Variants in CDK6 observed in about 807,000 individuals in gnomAD.
CDK6 encodes cyclin-dependent kinase 6.
Under a neutral mutation model 37.1 loss-of-function variants are expected in CDK6, and 6 were observed. The ratio of observed to expected loss-of-function variants is 0.16; its 90% CI spans 0.09 to 0.32. The LOEUF is 0.32. Among genes scored for constraint, CDK6 ranks in the 10% least tolerant of loss-of-function variants. The probability of loss-of-function intolerance (pLI) is 1.00; values close to 1 mark genes in which losing one functional copy is unlikely to be tolerated. For synonymous variants in CDK6, 160 were observed against 161.3 expected, an observed-to-expected ratio of 0.99 and a Z score of 0.06; for missense variants, 224 against 418.9, an observed-to-expected ratio of 0.53 and a Z score of 4.06.
In CDK6 at chr7:92,750,168, T is replaced by C. The variant is rs573530675; in HGVS notation, c.370-24375A>G. Among the ~76,000 whole-genome samples, 13 of 152,292 alleles carry C rather than the reference T, an allele frequency of 8.5e-5. No homozygotes were observed. The East Asian group carries it at 1.7e-3, about 20-fold the overall frequency. On this transcript the variant is annotated intron_variant, in intron 3 of 7. Coordinates refer to ENST00000424848, the MANE Select transcript of CDK6 (RefSeq NM_001145306.2). Reference sequence around the variant, plus strand: ...ATTCTACATGAGTGAGAAAAACACATTTATATGGCTTTTGGAAAGTCCACC... The same window carrying C: ...ATTCTACATGAGTGAGAAAAACACACTTATATGGCTTTTGGAAAGTCCACC...
chr7:92,621,523 G>A (rs1795805094), intron 6 of CDK6, among the ~76,000 whole-genome samples: 1 of 152,174 alleles, frequency 6.6e-6, no homozygotes, highest in South Asian at 2.1e-4. Flanking sequence ...GGGAAAGAAG[G>A]TGATGGCTTT....
chr7:92,799,250 C>T (rs893281964), intron 2 of CDK6, among the ~76,000 whole-genome samples: 2 of 152,160 alleles, frequency 1.3e-5, no homozygotes, highest in Non-Finnish European at 2.9e-5. Context: ...TCTCTTCCAG[C>T]GAGATCTGTC....
Position 92,609,594 on chromosome 7 carries a change from C to T in CDK6, c.*5546G>A, listed in dbSNP as rs1020584335. The T allele has an allele frequency of 8.7e-6, 2 of 230,304 alleles. No individual in the cohort carries two copies. Among genetic ancestry groups the T allele is most frequent in the African/African-American group, 4.4e-5 (2 of 45,144 alleles). The allele number at this position is 230,304 out of a possible 1,614,324, so 14.3% of individuals were successfully genotyped here. On this transcript the variant is annotated 3_prime_UTR_variant, in exon 8 of 8. Coordinates refer to ENST00000424848, the MANE Select transcript of CDK6 (RefSeq NM_001145306.2). ...CTGATGTGCTACTCATTTTGCTCAC[C>T]TGATCTTTAAATTAGGATTTTAAAA...
At chr7:92,713,868 G>A (rs926081785) in intron 4 of CDK6, among the ~76,000 whole-genome samples, 5 of 152,252 alleles carry the variant, frequency 3.3e-5, no homozygotes, top group Middle Eastern at 3.4e-3. Flanking sequence ...TAAATTTCAA[G>A]ATGGATGCAG....
chr7:92,829,234 C>G lies in CDK6; in HGVS notation c.233+3857G>C, dbSNP rs560581043. 7.2e-5 allele frequency among the ~76,000 whole-genome samples: 11 copies of G among 152,252 alleles called. No homozygotes were observed. The East Asian group carries it at 2.1e-3, about 29-fold the overall frequency. On this transcript the variant is annotated intron_variant, in intron 2 of 7. Coordinates refer to ENST00000424848, the MANE Select transcript of CDK6 (RefSeq NM_001145306.2). The stretch of plus-strand genomic sequence containing the variant: ...AAACTCTCCTTGAATAATCATTAAG[C>G]TTTACAGCCTTTTCTTTGGGTTTTT...
intron 5 of CDK6, among the ~76,000 whole-genome samples, chr7:92,662,265 A>C (rs1796856088): frequency 6.6e-6 from 1 of 152,268 alleles, no homozygotes; most frequent in Admixed American, 6.5e-5. Context: ...ACTCACTTCG[A>C]GGGCTTCACT....
intron 4 of CDK6, among the ~76,000 whole-genome samples, chr7:92,697,765 C>T (rs1439671251): frequency 6.6e-6 from 1 of 152,128 alleles, no homozygotes; most frequent in Non-Finnish European, 1.5e-5. Flanking sequence ...GATTTTTCAT[C>T]GTATTACTGA....
intron 3 of CDK6, among the ~76,000 whole-genome samples, chr7:92,750,380 A>T: frequency 6.6e-6 from 1 of 152,196 alleles, no homozygotes; most frequent in South Asian, 2.1e-4. Flanking sequence ...TGTATAAGTG[A>T]TACCTTCAGG....
intron 6 of CDK6, among the ~76,000 whole-genome samples, chr7:92,622,022 T>C (rs1277979912): frequency 1.3e-5 from 2 of 148,772 alleles, no homozygotes; most frequent in South Asian, 2.1e-4. Context: ...TTTTTTTTTT[T>C]CAGTCTTACA....
In CDK6 at chr7:92,608,622, C is replaced by T. The variant is rs1795486969; in HGVS notation, c.*6518G>A. On this transcript the variant is annotated 3_prime_UTR_variant, in exon 8 of 8. Transcript: ENST00000424848. ...GGGTAGACAGCTTCACACAGGGCAGCTGCTACCGCATCTCTTTTTACCCGA... is the reference window on the plus strand; with the variant it reads ...GGGTAGACAGCTTCACACAGGGCAGTTGCTACCGCATCTCTTTTTACCCGA... 1 of 232,120 alleles carries T rather than the reference C, an allele frequency of 4.3e-6. No homozygotes were observed. The highest frequency in any genetic ancestry group is 1.8e-4 in the South Asian group (1 of 5,522). 14.4% of individuals were successfully genotyped at this position (232,120 alleles called of 1,614,324 possible).
intron 4 of CDK6, among the ~76,000 whole-genome samples, chr7:92,705,119 G>C (rs796254909): frequency 6.6e-6 from 1 of 152,060 alleles, no homozygotes; most frequent in Non-Finnish European, 1.5e-5. Flanking sequence ...CTATGTACTC[G>C]ACATTCTTTC....
chr7:92,620,795 C>T (rs1795790239), intron 6 of CDK6, among the ~76,000 whole-genome samples: 1 of 152,090 alleles, frequency 6.6e-6, no homozygotes, highest in South Asian at 2.1e-4. Flanking sequence ...GTAGTCCCAG[C>T]TACTTGGGAG....
Position 92,719,723 on chromosome 7 carries a change from G to T in CDK6, c.537+5903C>A, listed in dbSNP as rs531777059. 1.3e-4 allele frequency among the ~76,000 whole-genome samples: 20 copies of T among 152,210 alleles called. No homozygotes were observed. The South Asian group carries it at 3.9e-3, about 30-fold the overall frequency. ...AATAGCATTAAATGATTGTATAAAG[G>T]CCCCAAAAATACAAAGATACTGAGG... On this transcript the variant is annotated intron_variant, in intron 4 of 7. Transcript: ENST00000424848.
chr7:92,771,233 A>T (rs184924756), intron 3 of CDK6, among the ~76,000 whole-genome samples: 289 of 150,286 alleles, frequency 1.9e-3, no homozygotes, highest in African/African-American at 5.5e-3. Flanking sequence ...TCAAAAAAAA[A>T]AAATAAATAA....
intron 3 of CDK6, among the ~76,000 whole-genome samples, chr7:92,768,056 C>T (rs906146997): frequency 1.3e-5 from 2 of 151,924 alleles, no homozygotes; most frequent in Admixed American, 6.6e-5. Flanking sequence ...TGGAGAAGGG[C>T]AGAAGAACTA....
intron 4 of CDK6, among the ~76,000 whole-genome samples, chr7:92,721,230 C>T (rs748821247): frequency 2.0e-5 from 3 of 152,160 alleles, no homozygotes; most frequent in Non-Finnish European, 4.4e-5. Context: ...TGCCCCTAGG[C>T]TTAGGAGTGA....
chr7:92,650,355 C>G (rs1037349272), intron 5 of CDK6, among the ~76,000 whole-genome samples: 3 of 152,096 alleles, frequency 2.0e-5, no homozygotes, highest in African/African-American at 7.2e-5. Flanking sequence ...TCAGCCAGAG[C>G]GCGACAACAG....
chr7:92,630,719 AC>A (rs1796032842), intron 5 of CDK6, among the ~76,000 whole-genome samples: 1 of 152,122 alleles, frequency 6.6e-6, no homozygotes, highest in African/African-American at 2.4e-5. Flanking sequence ...TCATATAACC[AC>A]AGAGCTTGGA....
intron 5 of CDK6, 172 bp downstream of exon 5, chr7:92,671,254 C>T (rs3731332): frequency 0.024 from 10,294 of 432,700 alleles, 175 homozygotes; most frequent in Middle Eastern, 0.078. Flanking sequence ...TAAAACAACA[C>T]TGTAAGCACT....
Sources: gnomAD v4.1 joint callset for allele counts (sites outside exome capture counted in the v4.1 genomes callset) on GRCh38, gnomAD v4.1.1 for gene constraint, MANE v1.5 for transcripts, NCBI Gene and HGNC (gene_info 2026-07-23, HGNC 2026-07-21) for gene names.